Variants in BRWD1 observed in about 807,000 individuals in gnomAD.
The protein encoded by BRWD1 is bromodomain and WD repeat-containing protein 1.
A neutral mutation model predicts 251.2 loss-of-function variants in BRWD1; 82 were observed. That is an observed-to-expected ratio of 0.33 (90% CI 0.27 to 0.39). The LOEUF is 0.39. Ranked by LOEUF, BRWD1 falls within the 10% of genes least tolerant of loss-of-function variation. BRWD1 has a pLI of 1.00. For synonymous variants in BRWD1, 918 were observed against 902.8 expected, an observed-to-expected ratio of 1.02 and a Z score of -0.30; for missense variants, 2,233 against 2,711.6, an observed-to-expected ratio of 0.82 and a Z score of 3.92.
chr21:39,255,724 T>C lies in BRWD1; in HGVS notation c.2176A>G (p.Ser726Gly). The change falls in exon 19 of 41, where the codon AGT becomes GGT. Residue 726 changes from serine (S) to glycine (G), a missense_variant. Ser to Gly is a moderately conservative substitution (Grantham distance 56, BLOSUM62 0). Around this residue, in one of 12 missense-constraint regions of BRWD1, gnomAD observed 35 missense variants for 76.3 expected, o/e 0.46. Coordinates refer to ENST00000342449, the MANE Select transcript of BRWD1 (RefSeq NM_033656.4). ...AGGTCACGTTCTGTAGCAATCTGAC[T>C]GCGTGGAGCGTTTTGATGCATCTGA... ...VRQMHQNAPR[S>G]QIATERDLQA... The C allele has an allele frequency of 6.2e-7, 1 of 1,614,228 alleles. No individual in the cohort carries two copies. Among genetic ancestry groups the C allele is most frequent in the Non-Finnish European group, 8.5e-7 (1 of 1,180,040 alleles).
At chr21:39,217,502 C>G in intron 31 of BRWD1, 1 of 189,750 alleles carries the variant, frequency 5.3e-6, no homozygotes, top group South Asian at 1.0e-4. Flanking sequence ...ACTACTTGGC[C>G]AATCACAATA....
chr21:39,238,285 CAAAAA>C (rs58179212), intron 22 of BRWD1, among the ~76,000 whole-genome samples, 189 bp downstream of exon 22: 4 of 122,356 alleles, frequency 3.3e-5, no homozygotes, highest in African/African-American at 1.2e-4. Context: ...TGCTTAAAGT[CAAAAA>C]AAAAAAAAAA....
chr21:39,276,246 A>G, intron 11 of BRWD1, 33 bp from the exon 12 acceptor site: 2 of 1,560,750 alleles, frequency 1.3e-6, no homozygotes, highest in Non-Finnish European at 1.8e-6. Flanking sequence ...TACAAAAATG[A>G]TCATCTACAT....
At chr21:39,295,518 T>A (rs575784739) in intron 7 of BRWD1, among the ~76,000 whole-genome samples, 1 of 150,982 alleles carries the variant, frequency 6.6e-6, no homozygotes, top group East Asian at 1.9e-4. Flanking sequence ...TCCTTAAATA[T>A]CACATTTAAG....
chr21:39,264,099 G>A (rs1016549350), intron 17 of BRWD1, among the ~76,000 whole-genome samples: 6 of 152,072 alleles, frequency 3.9e-5, no homozygotes, highest in Non-Finnish European at 5.9e-5. Flanking sequence ...TTCGTATTTC[G>A]TATGTGGTCC....
At chr21:39,212,809 G>A in intron 33 of BRWD1, 102 bp from the exon 34 acceptor site, 2 of 730,314 alleles carry the variant, frequency 2.7e-6, no homozygotes, top group Admixed American at 3.0e-5. Flanking sequence ...TATTACCAGA[G>A]TTATAACATG....
chr21:39,305,524 T>C (rs948284876), intron 4 of BRWD1, among the ~76,000 whole-genome samples: 3 of 152,028 alleles, frequency 2.0e-5, no homozygotes, highest in South Asian at 2.1e-4. Context: ...GTCAGGAGTT[T>C]GAGACACCAG....
intron 8 of BRWD1, among the ~76,000 whole-genome samples, chr21:39,284,144 T>C (rs751646532): frequency 2.0e-5 from 3 of 152,194 alleles, no homozygotes; most frequent in Non-Finnish European, 4.4e-5. Context: ...TGAAAGAATG[T>C]ATTATTTATT....
Position 39,313,608 on chromosome 21 carries a change from C to CGAA in BRWD1, c.-118_-117insTTC. On this transcript the variant is annotated 5_prime_UTR_variant, in exon 1 of 41. Coordinates refer to ENST00000342449, the MANE Select transcript of BRWD1 (RefSeq NM_033656.4). ...AGGCGCGCGCCGCCGCCGCCGCCGCCGCCGCCATACCGTGCGCGCCGCCTG... is the reference window on the plus strand; with the variant it reads ...AGGCGCGCGCCGCCGCCGCCGCCGCCGAAGCCGCCATACCGTGCGCGCCGCCTG... The CGAA allele has an allele frequency of 1.2e-6, 1 of 825,948 alleles. No individual in the cohort carries two copies. The highest frequency in any genetic ancestry group is 1.6e-6 in the Non-Finnish European group (1 of 620,306). 51.2% of individuals were successfully genotyped at this position (825,948 alleles called of 1,614,324 possible).
intron 8 of BRWD1, among the ~76,000 whole-genome samples, chr21:39,290,860 G>A (rs949572791): frequency 3.3e-5 from 5 of 152,068 alleles, no homozygotes; most frequent in East Asian, 1.9e-4. Flanking sequence ...AGCAAGGCAC[G>A]GTGGCTCAGG....
At chr21:39,233,890 T>G (rs548999180) in intron 23 of BRWD1, among the ~76,000 whole-genome samples, 10 of 152,070 alleles carry the variant, frequency 6.6e-5, no homozygotes, top group Non-Finnish European at 1.5e-4. Flanking sequence ...CGTGGTGGTG[T>G]GTGCCTGTAG....
chr21:39,277,709 GC>G (rs2035321874), intron 10 of BRWD1, among the ~76,000 whole-genome samples: 1 of 152,096 alleles, frequency 6.6e-6, no homozygotes, highest in Non-Finnish European at 1.5e-5. Flanking sequence ...GATTACAGGA[GC>G]ACACCAGCAT....
At position 39,232,272 on chromosome 21, in the gene BRWD1, G is replaced by A. The variant is rs750289132; in HGVS notation, c.2905C>T (p.Arg969Ter). Residue 969 changes from arginine to a stop codon, truncating the protein, a stop_gained, in exon 25 of 41, where the codon CGA becomes TGA. Coordinates refer to ENST00000342449, the MANE Select transcript of BRWD1 (RefSeq NM_033656.4). LOFTEE classifies it high-confidence loss of function. ...PQMGDEVIYF[R>*]QGHEAYIEAV... ...TCAATATAAGCTTCATGACCCTGTC[G>A]AAAATATATTACCTACAAAAGGGAA... 4 of 1,611,546 alleles carry A rather than the reference G, an allele frequency of 2.5e-6. No homozygotes were observed. Among genetic ancestry groups the A allele is most frequent in the Non-Finnish European group, 3.4e-6 (4 of 1,178,866 alleles).
chr21:39,208,019 T>TG, intron 36 of BRWD1, among the ~76,000 whole-genome samples: 1 of 152,280 alleles, frequency 6.6e-6, no homozygotes, highest in Admixed American at 6.5e-5. Flanking sequence ...TACTGCTTGA[T>TG]GGTTACAGAG....
intron 37 of BRWD1, among the ~76,000 whole-genome samples, chr21:39,205,835 T>G (rs1013759908): frequency 2.6e-5 from 4 of 151,884 alleles, no homozygotes; most frequent in Non-Finnish European, 5.9e-5. Context: ...ATCCCAACAT[T>G]GTGGGAGGCC....
rs759044977 is a variant in BRWD1 at position 39,274,469 on chromosome 21, G to A, written c.1149C>T (p.Phe383=). ...SIQFCNNGDR[F]LSGSRDGTAR... is the part of the protein sequence containing the mutation. ...CTGTTCCATCTCTGCTACCACTTAGGAACCTTAAAACATTCAGAACAGGAT... is the reference window on the plus strand; with the variant it reads ...CTGTTCCATCTCTGCTACCACTTAGAAACCTTAAAACATTCAGAACAGGAT... The change falls in exon 13 of 41, where the codon TTC becomes TTT. Residue 383 remains phenylalanine, a synonymous_variant. Coordinates refer to ENST00000342449, the MANE Select transcript of BRWD1 (RefSeq NM_033656.4). 6 of 1,612,616 alleles carry A rather than the reference G, an allele frequency of 3.7e-6. No individual in the cohort carries two copies. Among genetic ancestry groups the A allele is most frequent in the Non-Finnish European group, 4.2e-6 (5 of 1,178,956 alleles).
At chr21:39,273,613 T>C (rs73359542) in intron 13 of BRWD1, among the ~76,000 whole-genome samples, 2,890 of 152,088 alleles carry the variant, frequency 0.019, 83 homozygotes, top group African/African-American at 0.066. Flanking sequence ...CTCATGCTCA[T>C]AGTCCCAGCT....
intron 4 of BRWD1, among the ~76,000 whole-genome samples, chr21:39,299,184 T>C (rs982240190): frequency 6.6e-6 from 1 of 151,916 alleles, no homozygotes; most frequent in African/African-American, 2.4e-5. Flanking sequence ...GATCGTGCCA[T>C]TGCACTCTAG....
chr21:39,232,641 A>G (rs1476018692), intron 23 of BRWD1, 143 bp from the exon 24 acceptor site: 11 of 881,632 alleles, frequency 1.2e-5, no homozygotes, highest in South Asian at 3.6e-5. Context: ...CACAGCATAT[A>G]TATTTAGTTC....
Sources: allele counts gnomAD v4.1 joint callset (sites outside exome capture counted in the v4.1 genomes callset), GRCh38; gene constraint gnomAD v4.1.1; regional missense constraint gnomAD v4.1.1; transcripts MANE v1.5; gene names NCBI Gene and HGNC (gene_info 2026-07-23, HGNC 2026-07-21).